Variants in DNAH8 observed in about 807,000 individuals in gnomAD.
DNAH8 encodes the protein dynein axonemal heavy chain 8, also known as axonemal beta dynein heavy chain 8.
In DNAH8, 382 loss-of-function variants were observed where a neutral mutation model predicts 562.1. The ratio of observed to expected loss-of-function variants is 0.68; its 90% CI spans 0.63 to 0.74. The LOEUF is 0.74. Ranked by LOEUF, DNAH8 falls within the 30% of genes least tolerant of loss-of-function variation. DNAH8 has a pLI of 0.00. For synonymous variants in DNAH8, 1,881 were observed against 1,919.4 expected, an observed-to-expected ratio of 0.98 and a Z score of 0.52; for missense variants, 5,203 against 5,620.4, an observed-to-expected ratio of 0.93 and a Z score of 2.37.
intron 75 of DNAH8, chr6:38,931,167 G>A (rs1285784054): frequency 6.6e-6 from 1 of 152,012 alleles, no homozygotes; most frequent in African/African-American, 2.4e-5. Flanking sequence ...TTTCGGTCAC[G>A]GGCAGAATTA....
At chr6:38,955,471 A>G (rs1223869052) in intron 82 of DNAH8, among the ~76,000 whole-genome samples, 2 of 151,908 alleles carry the variant, frequency 1.3e-5, no homozygotes, top group African/African-American at 4.8e-5. Context: ...TGTCTACTAA[A>G]AATACAAAAA....
In DNAH8 at chr6:38,873,109, A is replaced by G. The variant is rs2150435388; in HGVS notation, c.7441A>G (p.Ile2481Val). 2 of 1,613,864 alleles carry G rather than the reference A, an allele frequency of 1.2e-6. No homozygotes were observed. Among genetic ancestry groups the G allele is most frequent in the East Asian group, 2.2e-5 (1 of 44,872 alleles). Residue 2481 changes from isoleucine (I) to valine (V), a missense_variant, in exon 51 of 93, where the codon ATC becomes GTC. By Grantham distance (29) the Ile-to-Val change is conservative. Transcript: ENST00000327475. The part of the protein sequence containing the change: ...ATVSRMGMVY[I>V]SSSALSWRPI... Reference sequence around the variant, plus strand: ...GGTTTCTAGGATGGGCATGGTCTATATCAGCAGCTCTGCTCTCAGCTGGAG... The same window carrying G: ...GGTTTCTAGGATGGGCATGGTCTATGTCAGCAGCTCTGCTCTCAGCTGGAG...
intron 77 of DNAH8, among the ~76,000 whole-genome samples, chr6:38,936,695 A>G (rs1394850912): frequency 7.2e-5 from 11 of 152,174 alleles, no homozygotes; most frequent in Non-Finnish European, 1.5e-4. Flanking sequence ...ACCCCTGGGC[A>G]TTAAAAATAT....
intron 77 of DNAH8, among the ~76,000 whole-genome samples, chr6:38,937,193 G>A (rs1783043020): frequency 6.9e-6 from 1 of 144,026 alleles, no homozygotes; most frequent in Non-Finnish European, 1.6e-5. Context: ...ATCACACACT[G>A]GGGCCTGTCG....
At chr6:38,931,712 G>T in intron 75 of DNAH8, 99 bp from the exon 76 acceptor site, 1 of 632,306 alleles carries the variant, frequency 1.6e-6, no homozygotes, top group South Asian at 3.7e-5. Flanking sequence ...ATTTATTGAA[G>T]CGTCACAGCA....
At chr6:39,020,148 A>G (rs1176863107) in intron 91 of DNAH8, among the ~76,000 whole-genome samples, 1 of 152,188 alleles carries the variant, frequency 6.6e-6, no homozygotes, top group Non-Finnish European at 1.5e-5. Context: ...TTGCTAAGAC[A>G]GGTAGTCCCA....
intron 83 of DNAH8, 77 bp from the exon 84 acceptor site, chr6:38,973,584 A>G (rs113221395): frequency 6.5e-6 from 8 of 1,234,214 alleles, no homozygotes; most frequent in African/African-American, 1.6e-5. Flanking sequence ...GTTTTTAAAA[A>G]AAGTGCACAT....
At chr6:38,825,006 T>C (rs1024669206) in intron 28 of DNAH8, among the ~76,000 whole-genome samples, 4 of 152,188 alleles carry the variant, frequency 2.6e-5, no homozygotes, top group Admixed American at 6.5e-5. Context: ...TCATAATGGT[T>C]AGCACTATGA....
intron 88 of DNAH8, among the ~76,000 whole-genome samples, chr6:38,993,939 T>G (rs1425695651): frequency 6.6e-6 from 1 of 152,186 alleles, no homozygotes; most frequent in African/African-American, 2.4e-5. Context: ...CAGGGTAAAT[T>G]GTTATGGGTG....
At chr6:38,958,424 A>AAAT (rs1171810359) in intron 82 of DNAH8, among the ~76,000 whole-genome samples, 1 of 151,598 alleles carries the variant, frequency 6.6e-6, no homozygotes, top group Non-Finnish European at 1.5e-5. Context: ...GAAAAAAAAA[A>AAAT]AAACAGAGAT....
intron 24 of DNAH8, among the ~76,000 whole-genome samples, chr6:38,809,216 T>G (rs557089443): frequency 6.6e-6 from 1 of 152,312 alleles, no homozygotes; most frequent in South Asian, 2.1e-4. Flanking sequence ...TTTTGTCAGT[T>G]TTGCCTTATC....
chr6:38,767,055 A>G (rs559641597), intron 11 of DNAH8, among the ~76,000 whole-genome samples: 7 of 152,344 alleles, frequency 4.6e-5, no homozygotes, highest in Admixed American at 2.6e-4. Flanking sequence ...GGCATTAACT[A>G]CATTCACAGT....
At chr6:38,998,224 T>A (rs577501916) in intron 88 of DNAH8, among the ~76,000 whole-genome samples, 1 of 152,266 alleles carries the variant, frequency 6.6e-6, no homozygotes, top group South Asian at 2.1e-4. Context: ...GAATGCAGAA[T>A]CTCTGAAGTG....
At chr6:38,972,667 C>G (rs1763422400) in intron 83 of DNAH8, among the ~76,000 whole-genome samples, 1 of 152,036 alleles carries the variant, frequency 6.6e-6, no homozygotes, top group Non-Finnish European at 1.5e-5. Context: ...GTCTGTTTGT[C>G]AAAGTGGGGT....
intron 88 of DNAH8, among the ~76,000 whole-genome samples, chr6:39,005,808 GT>G (rs1765762770): frequency 1.3e-5 from 2 of 152,214 alleles, no homozygotes. Flanking sequence ...GACTGCCAGT[GT>G]AATTGTTATT....
chr6:38,908,214 A>G (rs1780628027), intron 64 of DNAH8, 94 bp downstream of exon 64: 1 of 680,768 alleles, frequency 1.5e-6, no homozygotes, highest in Admixed American at 3.8e-5. Context: ...GATCTTAGAA[A>G]TTAATATTTT....
chr6:38,831,446 A>AAAAAG (rs1562934599), intron 30 of DNAH8, among the ~76,000 whole-genome samples: 1 of 151,428 alleles, frequency 6.6e-6, no homozygotes, highest in African/African-American at 2.4e-5. Context: ...AAAAAAAAAA[A>AAAAAG]AAAAGAAAAA....
rs1766242764 is a variant in DNAH8, at chr6:38,759,220, A to T, written c.1516-2482A>T. On this transcript the variant is annotated intron_variant, in intron 10 of 92. Transcript: ENST00000327475. The stretch of plus-strand genomic sequence containing the variant: ...CTATTCCAGAGGCTGAGGCAGGAGG[A>T]TCCCTTGAGCCTGGGAGTTCAAGAA... Among the ~76,000 whole-genome samples, 3 of 152,024 alleles carry T rather than the reference A, an allele frequency of 2.0e-5. 1 individual carries two copies. The highest frequency in any genetic ancestry group is 2.0e-4 in the Admixed American group (3 of 15,248).
intron 17 of DNAH8, among the ~76,000 whole-genome samples, chr6:38,786,537 T>A (rs1769176040): frequency 6.6e-6 from 1 of 152,232 alleles, no homozygotes; most frequent in South Asian, 2.1e-4. Context: ...GGTCAATGTT[T>A]CTCTCCCTGG....
Sources: gnomAD v4.1 joint callset for allele counts (sites outside exome capture counted in the v4.1 genomes callset) on GRCh38, gnomAD v4.1.1 for gene constraint, MANE v1.5 for transcripts, NCBI Gene and HGNC (gene_info 2026-07-23, HGNC 2026-07-21) for gene names.